EBPL: variants seen among roughly 807,000 people sequenced by gnomAD.
EBPL encodes EBP like.
In EBPL, 20 loss-of-function variants were observed where a neutral mutation model predicts 19.0. The observed-to-expected ratio is 1.05, with a 90% CI of 0.74 to 1.53. EBPL has a LOEUF of 1.53. Among genes scored for constraint, EBPL ranks in the 40% most tolerant of loss-of-function variants. The probability of loss-of-function intolerance (pLI) is 0.00; values close to 1 mark genes in which losing one functional copy is unlikely to be tolerated. For missense variants in EBPL, 219 were observed against 261.1 expected, an observed-to-expected ratio of 0.84 and a Z score of 1.11; for synonymous variants, 107 against 117.0, an observed-to-expected ratio of 0.91 and a Z score of 0.55.
Position 49,669,865 on chromosome 13 carries a change from A to G in EBPL, c.172-19T>C. Reference sequence around the variant, plus strand: ...GGCCTTCCTAGAGAGGAGAAAATGAAGACATGCTCTAATACAGCATCACAA... The same window carrying G: ...GGCCTTCCTAGAGAGGAGAAAATGAGGACATGCTCTAATACAGCATCACAA... On this transcript the variant is annotated intron_variant, in intron 1 of 3. Coordinates refer to ENST00000242827, the MANE Select transcript of EBPL (RefSeq NM_032565.5). 1 of 1,596,960 alleles carries G rather than the reference A, an allele frequency of 6.3e-7. No homozygotes were observed. The highest frequency in any genetic ancestry group is 1.3e-5 in the African/African-American group (1 of 74,668).
At chr13:49,683,515 C>T (rs140884873) in intron 1 of EBPL, among the ~76,000 whole-genome samples, 76 of 150,896 alleles carry the variant, frequency 5.0e-4, no homozygotes, top group Non-Finnish European at 9.3e-4. Flanking sequence ...GACCAGAGAG[C>T]GAGACTCTGT....
chr13:49,676,454 T>C (rs1953877298), intron 1 of EBPL, among the ~76,000 whole-genome samples: 1 of 152,026 alleles, frequency 6.6e-6, no homozygotes, highest in Non-Finnish European at 1.5e-5. Context: ...TAGCCGGGCG[T>C]GGTGGCGGGC....
chr13:49,666,453 G>C (rs1414285272), intron 2 of EBPL, among the ~76,000 whole-genome samples: 1 of 152,108 alleles, frequency 6.6e-6, no homozygotes, highest in Non-Finnish European at 1.5e-5. Context: ...GCTCACACCT[G>C]TAATCCCAGC....
intron 1 of EBPL, among the ~76,000 whole-genome samples, chr13:49,680,807 C>T (rs923273501): frequency 1.3e-5 from 2 of 149,556 alleles, no homozygotes; most frequent in East Asian, 3.9e-4. Context: ...GGTGACAGAG[C>T]GAGATTCCGT....
chr13:49,685,819 G>A (rs990151979), intron 1 of EBPL, among the ~76,000 whole-genome samples: 4 of 151,868 alleles, frequency 2.6e-5, no homozygotes, highest in African/African-American at 9.7e-5. Context: ...GTTGCAGTGA[G>A]CCAAGATCAC....
At chr13:49,666,711 C>CAAAAAAA (rs35086927) in intron 2 of EBPL, among the ~76,000 whole-genome samples, 5 of 81,018 alleles carry the variant, frequency 6.2e-5, no homozygotes, top group South Asian at 5.0e-4. Flanking sequence ...GACTCCGTCT[C>CAAAAAAA]AAAAAAAAAA....
chr13:49,678,651 C>T (rs991214027), intron 1 of EBPL, among the ~76,000 whole-genome samples: 17 of 151,882 alleles, frequency 1.1e-4, no homozygotes, highest in Admixed American at 3.3e-4. Flanking sequence ...GGGTTCTCGC[C>T]GGCGCCTCTC....
chr13:49,676,500 G>A lies in EBPL; in HGVS notation c.172-6654C>T, dbSNP rs1192816651. Among the ~76,000 whole-genome samples, 74 of 152,130 alleles carry A rather than the reference G, an allele frequency of 4.9e-4. 1 individual carries two copies. Among genetic ancestry groups the A allele is most frequent in the Admixed American group, 4.8e-3 (73 of 15,278 alleles). ...CCAGCTGCTGGGGAGGCTGAGGCAGGAGAATGGTGTGAACCCGGGAGGCGG... is the reference window on the plus strand; with the variant it reads ...CCAGCTGCTGGGGAGGCTGAGGCAGAAGAATGGTGTGAACCCGGGAGGCGG... On this transcript the variant is annotated intron_variant, in intron 1 of 3. Coordinates refer to ENST00000242827, the MANE Select transcript of EBPL (RefSeq NM_032565.5).
At chr13:49,673,211 T>TA (rs1234443906) in intron 1 of EBPL, among the ~76,000 whole-genome samples, 7 of 151,938 alleles carry the variant, frequency 4.6e-5, no homozygotes, top group South Asian at 4.2e-4. Flanking sequence ...ATACAGCCAC[T>TA]AAAAAAAACC....
chr13:49,690,173 C>CAAAA (rs1332181431), intron 1 of EBPL, among the ~76,000 whole-genome samples: 15 of 96,452 alleles, frequency 1.6e-4, no homozygotes, highest in Admixed American at 3.5e-4. Context: ...AAAAAAAAGA[C>CAAAA]AAAAAAAAAA....
At chr13:49,685,766 G>A (rs1400472815) in intron 1 of EBPL, among the ~76,000 whole-genome samples, 10 of 152,012 alleles carry the variant, frequency 6.6e-5, no homozygotes, top group African/African-American at 9.7e-5. Context: ...CCAGCTACTC[G>A]GGAGGCTGAA....
chr13:49,670,080 G>T (rs1217371912), intron 1 of EBPL, among the ~76,000 whole-genome samples: 1 of 152,192 alleles, frequency 6.6e-6, no homozygotes, highest in Non-Finnish European at 1.5e-5. Flanking sequence ...GTTTTTCAAT[G>T]ATTGGCACTG....
At chr13:49,680,512 T>C (rs1023548747) in intron 1 of EBPL, among the ~76,000 whole-genome samples, 9 of 152,226 alleles carry the variant, frequency 5.9e-5, no homozygotes, top group African/African-American at 2.2e-4. Flanking sequence ...TTGTGAATGT[T>C]TGAAATTGTT....
intron 3 of EBPL, chr13:49,662,002 CTTTTT>C: frequency 7.4e-7 from 1 of 1,346,472 alleles, no homozygotes; most frequent in Non-Finnish European, 1.0e-6. Context: ...TTTTTTCATC[CTTTTT>C]TTTTGAGACA....
At chr13:49,666,695 G>C (rs1242549356) in intron 2 of EBPL, among the ~76,000 whole-genome samples, 1 of 105,168 alleles carries the variant, frequency 9.5e-6, no homozygotes, top group African/African-American at 4.0e-5. Context: ...TTGGGCGAAA[G>C]AGTGAGACTC....
At chr13:49,665,416 C>T (rs2137484622) in intron 2 of EBPL, among the ~76,000 whole-genome samples, 1 of 152,360 alleles carries the variant, frequency 6.6e-6, no homozygotes, top group South Asian at 2.1e-4. Flanking sequence ...GGATTATAGG[C>T]ACTCACCACC....
Position 49,686,716 on chromosome 13 carries a change from A to G in EBPL, c.171+4538T>C, listed in dbSNP as rs1954002649. On this transcript the variant is annotated intron_variant, in intron 1 of 3. Transcript: ENST00000242827. The stretch of plus-strand genomic sequence containing the variant: ...TCGTGCTATCTCCCCCAACTCAGAA[A>G]AGAATTCCCAGCACTCTCTCTTCTG... 4.2e-6 allele frequency: 4 copies of G among 962,508 alleles called. No homozygotes were observed. The East Asian group carries it at 1.9e-4, about 46-fold the overall frequency. 59.6% of individuals were successfully genotyped at this position (962,508 alleles called of 1,614,324 possible). A position where few individuals can be genotyped will look rare whatever the true frequency, so the allele number is the denominator to read the frequency against.
intron 1 of EBPL, among the ~76,000 whole-genome samples, chr13:49,685,414 TG>T (rs1221714536): frequency 3.3e-5 from 5 of 152,312 alleles, no homozygotes; most frequent in African/African-American, 1.2e-4. Context: ...TAATAAAGTG[TG>T]GGTGAAATTG....
intron 1 of EBPL, among the ~76,000 whole-genome samples, chr13:49,676,626 A>G (rs575284013): frequency 3.3e-5 from 5 of 151,976 alleles, no homozygotes; most frequent in African/African-American, 1.2e-4. Flanking sequence ...ATAAATAAAT[A>G]AATAAGAAAG....
Sources: gnomAD v4.1 joint callset for allele counts (sites outside exome capture counted in the v4.1 genomes callset) on GRCh38, gnomAD v4.1.1 for gene constraint, MANE v1.5 for transcripts, NCBI Gene and HGNC (gene_info 2026-07-23, HGNC 2026-07-21) for gene names.